FMR1: variants seen among roughly 807,000 people sequenced by gnomAD.
The protein encoded by FMR1 is fragile X messenger ribonucleoprotein 1, also known as FMRP translational regulator 1.
A neutral mutation model predicts 50.6 loss-of-function variants in FMR1; 13 were observed. The observed-to-expected ratio is 0.26, with a 90% CI of 0.17 to 0.41. The LOEUF (loss-of-function observed/expected upper bound fraction) is 0.41, where lower values mean the gene tolerates loss of function less well. Among genes scored for constraint, FMR1 ranks in the 10% least tolerant of loss-of-function variants. FMR1 has a pLI of 1.00. For synonymous variants in FMR1, 138 were observed against 164.1 expected, an observed-to-expected ratio of 0.84 and a Z score of 1.22; for missense variants, 316 against 491.3, an observed-to-expected ratio of 0.64 and a Z score of 3.37.
At chrX:147,942,416 C>A (rs2044039234) in intron 13 of FMR1, among the ~76,000 whole-genome samples, 1 of 112,137 alleles carries the variant, frequency 8.9e-6, no homozygotes, top group Non-Finnish European at 1.9e-5. Flanking sequence ...CATTGGACCC[C>A]AGGTGTATAT....
Position 147,918,555 on chromosome X carries a change from C to CTTTTTTTTTTT in FMR1, c.52-3363_52-3353dup, listed in dbSNP as rs368581020. On this transcript the variant is annotated intron_variant, in intron 1 of 16. Coordinates refer to ENST00000370475, the MANE Select transcript of FMR1 (RefSeq NM_002024.6). ...GAAATGCATTCAGAGCCTGCAAAAG[C>CTTTTTTTTTTT]TTTTTTTTTTTTTTTTTTTTTTTTT... Among the ~76,000 whole-genome samples the CTTTTTTTTTTT allele has an allele frequency of 1.9e-3, 88 of 47,272 alleles. 15 individuals carry two copies. The highest frequency in any genetic ancestry group is 6.4e-3 in the African/African-American group (59 of 9,275). 41.1% of individuals were successfully genotyped at this position (47,272 alleles called of 115,157 possible). A position where few individuals can be genotyped will look rare whatever the true frequency, so the allele number is the denominator to read the frequency against.
chrX:147,937,659 T>A, intron 11 of FMR1, 59 bp downstream of exon 11: 9 of 623,505 alleles, frequency 1.4e-5, no homozygotes, highest in Non-Finnish European at 2.2e-5. Context: ...GATGTCACAA[T>A]TGGTATTTTG....
chrX:147,945,388 T>C (rs782058016), intron 15 of FMR1, 146 bp from the exon 16 acceptor site: 20 of 520,958 alleles, frequency 3.8e-5, no homozygotes, highest in Non-Finnish European at 5.7e-5. Context: ...GGCTAGATTA[T>C]TAGCCATTGT....
At chrX:147,932,347 T>A in intron 7 of FMR1, 78 bp from the exon 8 acceptor site, 2 of 957,350 alleles carry the variant, frequency 2.1e-6, no homozygotes, top group South Asian at 3.9e-5. Flanking sequence ...AGGGTCAAGA[T>A]AATTTACATG....
At chrX:147,921,358 A>T (rs1557176402) in intron 1 of FMR1, among the ~76,000 whole-genome samples, 1 of 111,302 alleles carries the variant, frequency 9.0e-6, no homozygotes, top group Non-Finnish European at 1.9e-5. Flanking sequence ...TTTTTCTACA[A>T]GTACTGTGAG....
intron 7 of FMR1, among the ~76,000 whole-genome samples, chrX:147,931,181 C>A (rs2043592735): frequency 8.9e-6 from 1 of 111,883 alleles, no homozygotes; most frequent in African/African-American, 3.2e-5. Context: ...GTGATTCTCT[C>A]ATAACTTTTA....
intron 7 of FMR1, among the ~76,000 whole-genome samples, chrX:147,931,408 C>T (rs1310739193): frequency 9.0e-6 from 1 of 111,559 alleles, no homozygotes; most frequent in Admixed American, 9.5e-5. Context: ...TTTTATTACT[C>T]TAGTCTAAAA....
At position 147,928,721 on chromosome X, in the gene FMR1, T is replaced by G. The variant is rs1557178011; in HGVS notation, c.333T>G (p.Arg111=). Residue 111 remains arginine, a synonymous_variant, in exon 5 of 17, where the codon CGT becomes CGG. Transcript: ENST00000370475. Reference sequence around the variant, plus strand: ...ACAATGAAATTGTCACAATTGAACGTCTAAGATCTGTTAATCCCAACAAAC... The same window carrying G: ...ACAATGAAATTGTCACAATTGAACGGCTAAGATCTGTTAATCCCAACAAAC... ...ATYNEIVTIE[R]LRSVNPNKPA... is the part of the protein sequence containing the mutation. 1.7e-6 allele frequency: 2 copies of G among 1,205,692 alleles called. No homozygotes were observed. Among genetic ancestry groups the G allele is most frequent in the Non-Finnish European group, 1.1e-6 (1 of 891,373 alleles).
At chrX:147,916,652 T>C (rs1004078426) in intron 1 of FMR1, among the ~76,000 whole-genome samples, 14 of 110,555 alleles carry the variant, frequency 1.3e-4, no homozygotes, top group Admixed American at 1.1e-3. Flanking sequence ...CCTTCATTTC[T>C]CTCCTTTGCT....
chrX:147,939,686 C>T (rs1415281250), intron 12 of FMR1, among the ~76,000 whole-genome samples: 1 of 109,257 alleles, frequency 9.2e-6, no homozygotes, highest in African/African-American at 3.3e-5. Flanking sequence ...CGCCTGAGCC[C>T]AGGAATTCGA....
At chrX:147,912,987 G>A (rs1456372470) in intron 1 of FMR1, 1 of 268,324 alleles carries the variant, frequency 3.7e-6, no homozygotes, top group Non-Finnish European at 6.5e-6. Context: ...ACATGCTTCA[G>A]CGTCTAAAAC....
At chrX:147,918,554 G>GTTTTTTTT (rs2042989205) in intron 1 of FMR1, among the ~76,000 whole-genome samples, 5 of 18,749 alleles carry the variant, frequency 2.7e-4, no homozygotes, top group African/African-American at 9.0e-4. Context: ...GCCTGCAAAA[G>GTTTTTTTT]CTTTTTTTTT....
At chrX:147,939,622 C>T (rs782343048) in intron 12 of FMR1, among the ~76,000 whole-genome samples, 22 of 110,084 alleles carry the variant, frequency 2.0e-4, no homozygotes, top group African/African-American at 6.3e-4. Context: ...ATCGGCCAGG[C>T]GCGATGGCTC....
chrX:147,940,180 C>CAAAAAAAAAAAAAAAAAAAAAA (rs1569545946), intron 12 of FMR1: 1 of 76,343 alleles, frequency 1.3e-5, no homozygotes, highest in Non-Finnish European at 2.4e-5. Context: ...AAAAAAAAAA[C>CAAAAAAAAAAAAAAAAAAAAAA]AAAAAAGAAA....
intron 1 of FMR1, among the ~76,000 whole-genome samples, chrX:147,918,555 C>CTTTTTTTTTTTTTTTTTTTTTTTTTTTT (rs368581020): frequency 2.1e-5 from 1 of 47,277 alleles, no homozygotes; most frequent in African/African-American, 1.1e-4. Context: ...CCTGCAAAAG[C>CTTTTTTTTTTTTTTTTTTTTTTTTTTTT]TTTTTTTTTT....
intron 1 of FMR1, chrX:147,912,831 T>G: frequency 3.4e-6 from 1 of 297,122 alleles, no homozygotes; most frequent in Non-Finnish European, 5.9e-6. Context: ...TGATTTTTAG[T>G]GGCTTCTCTT....
At chrX:147,922,622 C>T (rs2043220912) in intron 2 of FMR1, among the ~76,000 whole-genome samples, 1 of 111,480 alleles carries the variant, frequency 9.0e-6, no homozygotes, top group African/African-American at 3.3e-5. Flanking sequence ...CTAATAAAGG[C>T]TATTTTCAGG....
chrX:147,912,208 G>T lies in FMR1; in HGVS notation c.29G>T (p.Gly10Val), dbSNP rs1557174013. The change falls in exon 1 of 17, where the codon GGC becomes GTC. Residue 10 changes from glycine to valine, a missense_variant. Physicochemically the swap from Gly to Val is moderately radical, Grantham distance 109. Around this residue, in one of 4 missense-constraint regions of FMR1, gnomAD observed 124 missense variants for 238.1 expected, o/e 0.52. Transcript: ENST00000370475. The part of the protein sequence containing the change: MEELVVEVR[G>V]SNGAFYKAFV... ...GAGGAGCTGGTGGTGGAAGTGCGGG[G>T]CTCCAATGGCGCTTTCTACAAGGTA... The T allele has an allele frequency of 8.6e-7, 1 of 1,160,876 alleles. No individual in the cohort carries two copies. The highest frequency in any genetic ancestry group is 1.8e-5 in the African/African-American group (1 of 54,984).
At chrX:147,935,268 A>G (rs1171822321) in intron 9 of FMR1, among the ~76,000 whole-genome samples, 1 of 112,051 alleles carries the variant, frequency 8.9e-6, no homozygotes, top group Non-Finnish European at 1.9e-5. Context: ...GATCTGTTCT[A>G]TGACCAGTCA....
Sources: gnomAD v4.1 joint callset for allele counts (sites outside exome capture counted in the v4.1 genomes callset) on GRCh38, gnomAD v4.1.1 for gene constraint, gnomAD v4.1.1 regional missense constraint, MANE v1.5 for transcripts, NCBI Gene and HGNC (gene_info 2026-07-23, HGNC 2026-07-21) for gene names.